The following CSMD1 variants were observed in gnomAD, a reference collection of about 807,000 sequenced individuals.
CSMD1 encodes CUB and Sushi multiple domains 1.
A neutral mutation model predicts 417.5 loss-of-function variants in CSMD1; 213 were observed. That is an observed-to-expected ratio of 0.51 (90% CI 0.46 to 0.57). CSMD1 has a LOEUF of 0.57. CSMD1 is among the 20% of genes least tolerant of loss of function. CSMD1 has a pLI of 0.00. For synonymous variants in CSMD1, 2,862 were observed against 1,736.8 expected (o/e 1.65, Z -16.11); for missense variants, 6,923 against 4,529.7 (o/e 1.53, Z -15.17).
chr8:4,895,172 T>C (rs1273214172), intron 1 of CSMD1, among the ~76,000 whole-genome samples: 2 of 152,190 alleles, frequency 1.3e-5, no homozygotes, highest in African/African-American at 2.4e-5. Context: ...ATAATAACTA[T>C]TTGTAGAAGG....
chr8:3,443,170 T>A (rs1229323967), intron 12 of CSMD1, among the ~76,000 whole-genome samples: 1 of 152,158 alleles, frequency 6.6e-6, no homozygotes, highest in Admixed American at 6.5e-5. Context: ...CACCTTCTGC[T>A]GCAAAAAAAT....
At chr8:4,520,210 G>T (rs538261597) in intron 2 of CSMD1, among the ~76,000 whole-genome samples, 1 of 152,234 alleles carries the variant, frequency 6.6e-6, no homozygotes, top group East Asian at 1.9e-4. Context: ...GTGGCAGAAA[G>T]ATTCTTGTCC....
At position 2,948,464 on chromosome 8, in the gene CSMD1, C is replaced by G. The variant is rs2128917615; in HGVS notation, c.10402+835G>C. ...GAAAGCTATAAAGAAGGAAGGAGGACTTACCTGTCTATGTAGAATAAGCTT... is the reference window on the plus strand; with the variant it reads ...GAAAGCTATAAAGAAGGAAGGAGGAGTTACCTGTCTATGTAGAATAAGCTT... On this transcript the variant is annotated intron_variant, in intron 68 of 69. Transcript: ENST00000635120. Among the ~76,000 whole-genome samples the G allele has an allele frequency of 2.6e-5, 4 of 152,160 alleles. No homozygotes were observed. In the Middle Eastern group the frequency reaches 0.01, roughly 388 times the overall value.
At chr8:3,508,325 G>T (rs752546464) in intron 10 of CSMD1, among the ~76,000 whole-genome samples, 7 of 151,238 alleles carry the variant, frequency 4.6e-5, no homozygotes, top group Non-Finnish European at 8.8e-5. Flanking sequence ...CTTGGACACA[G>T]GAAGGGGAAC....
At position 3,151,407 on chromosome 8, in the gene CSMD1, G is replaced by A; in HGVS notation, c.6021C>T (p.Pro2007=). Residue 2007 remains proline (P), a synonymous_variant, in exon 40 of 70, where the codon CCC becomes CCT. Transcript: ENST00000635120. ...AACATTTTCACTTACCATAGCCGATGGGTAATGAGATCCTCCAGGTGCAGT... is the reference window on the plus strand; with the variant it reads ...AACATTTTCACTTACCATAGCCGATAGGTAATGAGATCCTCCAGGTGCAGT... The part of the protein sequence containing the change: ...NLDCTWRISL[P]IGYGAHIQFL... The A allele has an allele frequency of 1.2e-6, 2 of 1,607,478 alleles. No homozygotes were observed. Among genetic ancestry groups the A allele is most frequent in the Non-Finnish European group, 1.7e-6 (2 of 1,174,390 alleles).
chr8:3,722,264 C>G (rs576708140), intron 6 of CSMD1, among the ~76,000 whole-genome samples: 50 of 152,202 alleles, frequency 3.3e-4, no homozygotes, highest in African/African-American at 1.2e-3. Flanking sequence ...GTCGAGATCA[C>G]ACCACTGCAC....
At chr8:4,818,552 C>T (rs1799338013) in intron 1 of CSMD1, among the ~76,000 whole-genome samples, 2 of 152,270 alleles carry the variant, frequency 1.3e-5, no homozygotes, top group South Asian at 4.1e-4. Flanking sequence ...AATCCAGAGA[C>T]ACACACACAT....
intron 1 of CSMD1, among the ~76,000 whole-genome samples, chr8:4,937,629 G>A (rs534738108): frequency 3.9e-5 from 6 of 152,124 alleles, no homozygotes; most frequent in East Asian, 1.9e-4. Flanking sequence ...AGTATCTGAC[G>A]GAGGCATCAA....
At chr8:3,449,609 T>C (rs1187171388) in intron 12 of CSMD1, among the ~76,000 whole-genome samples, 1 of 152,058 alleles carries the variant, frequency 6.6e-6, no homozygotes, top group Non-Finnish European at 1.5e-5. Flanking sequence ...ACTCTGCCTC[T>C]TGGGTTCAAG....
intron 49 of CSMD1, among the ~76,000 whole-genome samples, chr8:3,060,389 C>A (rs1221425662): frequency 6.6e-6 from 1 of 151,338 alleles, no homozygotes; most frequent in Non-Finnish European, 1.5e-5. Flanking sequence ...CCTTGAACTC[C>A]TTGAACTCCT....
At chr8:4,905,121 A>T (rs1179010162) in intron 1 of CSMD1, among the ~76,000 whole-genome samples, 1 of 152,222 alleles carries the variant, frequency 6.6e-6, no homozygotes, top group East Asian at 1.9e-4. Flanking sequence ...CTATATACTC[A>T]ACTTTTAAAT....
intron 28 of CSMD1, among the ~76,000 whole-genome samples, chr8:3,220,522 A>G (rs560880213): frequency 6.6e-6 from 1 of 152,212 alleles, no homozygotes; most frequent in African/African-American, 2.4e-5. Context: ...ATAAACTGAT[A>G]AAGTAGAAGT....
intron 5 of CSMD1, among the ~76,000 whole-genome samples, chr8:3,914,817 C>A (rs1808706966): frequency 6.6e-6 from 1 of 152,010 alleles, no homozygotes; most frequent in Admixed American, 6.6e-5. Flanking sequence ...ATCTACTCTA[C>A]TGAGTGTCCT....
At chr8:4,962,974 G>A (rs969432592) in intron 1 of CSMD1, among the ~76,000 whole-genome samples, 51 of 152,230 alleles carry the variant, frequency 3.4e-4, no homozygotes, top group East Asian at 1.9e-4. Context: ...GAAAAGGATC[G>A]AAGAATCTAG....
At chr8:4,407,650 G>C (rs1209559652) in intron 3 of CSMD1, among the ~76,000 whole-genome samples, 2 of 152,146 alleles carry the variant, frequency 1.3e-5, no homozygotes, top group East Asian at 3.9e-4. Flanking sequence ...AAGTTAATTA[G>C]TGCCTTTGTC....
rs577741844 is a variant in CSMD1 at position 4,006,803 on chromosome 8, G to C, written c.611-8693C>G. Reference sequence around the variant, plus strand: ...CCATTCATATTTCTTTTGTCGCTGAGAGAATCCAGGACTTTTCCTATTTTT... The same window carrying C: ...CCATTCATATTTCTTTTGTCGCTGACAGAATCCAGGACTTTTCCTATTTTT... On this transcript the variant is annotated intron_variant, in intron 4 of 69. Coordinates refer to ENST00000635120, the MANE Select transcript of CSMD1 (RefSeq NM_033225.6). Among the ~76,000 whole-genome samples, 161 of 149,518 alleles carry C rather than the reference G, an allele frequency of 1.1e-3. 1 individual carries two copies. Among genetic ancestry groups the C allele is most frequent in the African/African-American group, 3.9e-3 (158 of 40,580 alleles).
intron 10 of CSMD1, among the ~76,000 whole-genome samples, chr8:3,505,106 C>A (rs1054746990): frequency 2.6e-5 from 4 of 151,948 alleles, no homozygotes; most frequent in African/African-American, 9.7e-5. Context: ...TAAAGTAACC[C>A]AAGCATCACA....
chr8:3,641,458 G>C (rs540139183), intron 7 of CSMD1, among the ~76,000 whole-genome samples: 1 of 152,306 alleles, frequency 6.6e-6, no homozygotes, highest in East Asian at 1.9e-4. Flanking sequence ...TTATCAGTAA[G>C]TGGTTTTTAG....
chr8:4,062,908 A>C (rs1799052808), intron 3 of CSMD1, among the ~76,000 whole-genome samples: 1 of 115,602 alleles, frequency 8.7e-6, no homozygotes, highest in Admixed American at 8.3e-5. Context: ...AATATTACTG[A>C]TCATTGCAAA....
Sources: gnomAD v4.1 joint callset for allele counts (sites outside exome capture counted in the v4.1 genomes callset) on GRCh38, gnomAD v4.1.1 for gene constraint, MANE v1.5 for transcripts, NCBI Gene and HGNC (gene_info 2026-07-23, HGNC 2026-07-21) for gene names.